Variants in MIGA1 observed in about 807,000 individuals in gnomAD.
The protein encoded by MIGA1 is family with sequence similarity 73, member A.
A neutral mutation model predicts 82.0 loss-of-function variants in MIGA1; 58 were observed. The ratio of observed to expected loss-of-function variants is 0.71; its 90% CI spans 0.57 to 0.88. MIGA1 has a LOEUF of 0.88. Ranked by LOEUF, MIGA1 falls within the 40% of genes least tolerant of loss-of-function variation. MIGA1 has a pLI of 0.00. For synonymous variants in MIGA1, 249 were observed against 253.6 expected (o/e 0.98, Z 0.17); for missense variants, 751 against 749.1 (o/e 1.00, Z -0.03).
chr1:77,779,783 G>T (rs530499336), intron 1 of MIGA1, 47 bp downstream of exon 1: 30 of 1,516,940 alleles, frequency 2.0e-5, no homozygotes, highest in Admixed American at 6.2e-5. Context: ...GCGGGAGGAA[G>T]CGGAGAGTTG....
At chr1:77,839,438 A>G (rs1411883295) in intron 7 of MIGA1, among the ~76,000 whole-genome samples, 2 of 151,590 alleles carry the variant, frequency 1.3e-5, no homozygotes, top group Admixed American at 1.3e-4. Context: ...TGACACGATC[A>G]TGGCTCACTG....
chr1:77,828,184 A>T (rs978788574), intron 7 of MIGA1, among the ~76,000 whole-genome samples: 2 of 152,228 alleles, frequency 1.3e-5, no homozygotes, highest in African/African-American at 4.8e-5. Context: ...GCTAAACCTT[A>T]AACTCCTTGT....
chr1:77,873,072 C>T lies in MIGA1; in HGVS notation c.1632C>T (p.Gly544=), dbSNP rs766162979. 1.9e-6 allele frequency: 3 copies of T among 1,613,664 alleles called. No homozygotes were observed. Among genetic ancestry groups the T allele is most frequent in the Admixed American group, 3.3e-5 (2 of 60,004 alleles). The change falls in exon 15 of 16, where the codon GGC becomes GGT. Residue 544 remains glycine (G), a synonymous_variant. Coordinates refer to ENST00000370791, the MANE Select transcript of MIGA1 (RefSeq NM_198549.4). ...ACATCAGTCCTGTCCTAGCCTGGGGCTTTTTGGGTCCTAGAAATTCTCTGT... is the reference window on the plus strand; with the variant it reads ...ACATCAGTCCTGTCCTAGCCTGGGGTTTTTTGGGTCCTAGAAATTCTCTGT...
At chr1:77,804,046 A>C (rs1004815578) in intron 4 of MIGA1, among the ~76,000 whole-genome samples, 1 of 152,180 alleles carries the variant, frequency 6.6e-6, no homozygotes, top group African/African-American at 2.4e-5. Flanking sequence ...ATTTACACCT[A>C]CTATATATCC....
intron 2 of MIGA1, 137 bp from the exon 3 acceptor site, chr1:77,801,194 C>T: frequency 1.8e-6 from 1 of 569,738 alleles, no homozygotes; most frequent in Non-Finnish European, 2.9e-6. Context: ...GCTAGCTTGT[C>T]ATTGAAAGAG....
At chr1:77,856,860 T>G (rs994205353) in intron 8 of MIGA1, among the ~76,000 whole-genome samples, 5 of 152,180 alleles carry the variant, frequency 3.3e-5, no homozygotes, top group African/African-American at 1.2e-4. Flanking sequence ...TATTTTTTTT[T>G]GTTTCAATTT....
In MIGA1 at chr1:77,787,386, CTT is replaced by C. The variant is rs74680486; in HGVS notation, c.195+4049_195+4050del. On this transcript the variant is annotated intron_variant, in intron 2 of 15. Coordinates refer to ENST00000370791, the MANE Select transcript of MIGA1 (RefSeq NM_198549.4). ...GAAATGTATATTTTAGTCCTTTGCC[CTT>C]TTTTTTTTTTTTTGTAAGACAGAAT... Among the ~76,000 whole-genome samples, 250 of 142,148 alleles carry C rather than the reference CTT, an allele frequency of 1.8e-3. 2 individuals carry two copies. Among genetic ancestry groups the C allele is most frequent in the African/African-American group, 5.7e-3 (224 of 38,988 alleles). The allele number at this position is 142,148 out of a possible 152,430, so 93.3% of individuals were successfully genotyped here. A position where few individuals can be genotyped will look rare whatever the true frequency, so the allele number is the denominator to read the frequency against.
rs1571035446 is a variant in MIGA1 at position 77,878,466 on chromosome 1, G to A, written c.*3402G>A. 2 of 136,646 alleles carry A rather than the reference G, an allele frequency of 1.5e-5. No individual in the cohort carries two copies. Among genetic ancestry groups the A allele is most frequent in the Admixed American group, 8.0e-5 (1 of 12,504 alleles). The allele number at this position is 136,646 out of a possible 1,614,324, so 8.5% of individuals were successfully genotyped here. ...ATTTGCCTTAAAATTGGGTTAAATA[G>A]CAAAAGCAATGTCTTTAAAAATGAT... On this transcript the variant is annotated 3_prime_UTR_variant, in exon 16 of 16. Transcript: ENST00000370791.
chr1:77,860,181 T>C, intron 11 of MIGA1, 55 bp downstream of exon 11: 1 of 1,270,000 alleles, frequency 7.9e-7, no homozygotes, highest in South Asian at 1.3e-5. Flanking sequence ...GTTTTTACCC[T>C]TTGAACTGAA....
intron 7 of MIGA1, among the ~76,000 whole-genome samples, chr1:77,839,023 A>G (rs1310542825): frequency 6.6e-6 from 1 of 152,178 alleles, no homozygotes; most frequent in African/African-American, 2.4e-5. Context: ...GGGCTATTAT[A>G]AACAGTATTA....
At chr1:77,845,257 A>G (rs375345921) in intron 8 of MIGA1, among the ~76,000 whole-genome samples, 13 of 152,296 alleles carry the variant, frequency 8.5e-5, no homozygotes, top group African/African-American at 3.1e-4. Flanking sequence ...TTCTTGTTCT[A>G]TGGGAAAGCT....
chr1:77,837,182 A>G (rs1393612606), intron 7 of MIGA1, among the ~76,000 whole-genome samples: 1 of 152,230 alleles, frequency 6.6e-6, no homozygotes, highest in Non-Finnish European at 1.5e-5. Context: ...TCTAATAGCC[A>G]CATTAAAGGC....
At chr1:77,790,561 C>T (rs181941223) in intron 2 of MIGA1, among the ~76,000 whole-genome samples, 230 of 150,148 alleles carry the variant, frequency 1.5e-3, no homozygotes, top group African/African-American at 5.2e-3. Flanking sequence ...CCACTGCGCC[C>T]GGCCCCCACC....
Position 77,861,316 on chromosome 1 carries a change from T to C in MIGA1, c.1368T>C (p.Ala456=), listed in dbSNP as rs1466085171. ...GTAGTACTGAAATGGAACTTGCTGCTAGAGGGGTAAATTCAAATTTTTTGT... is the reference window on the plus strand; with the variant it reads ...GTAGTACTGAAATGGAACTTGCTGCCAGAGGGGTAAATTCAAATTTTTTGT... The change falls in exon 12 of 16, where the codon GCT becomes GCC. Residue 456 remains alanine, a synonymous_variant. Transcript: ENST00000370791. 6.2e-7 allele frequency: 1 copy of C among 1,603,002 alleles called. No homozygotes were observed. Among genetic ancestry groups the C allele is most frequent in the South Asian group, 1.1e-5 (1 of 89,468 alleles).
chr1:77,843,279 T>C (rs750169622), intron 7 of MIGA1, 28 bp from the exon 8 acceptor site: 9 of 1,496,050 alleles, frequency 6.0e-6, no homozygotes, highest in Admixed American at 1.7e-5. Flanking sequence ...AATATCACTT[T>C]CTGAACTTTT....
chr1:77,825,493 T>G (rs1683995828), intron 7 of MIGA1, among the ~76,000 whole-genome samples: 1 of 152,226 alleles, frequency 6.6e-6, no homozygotes, highest in South Asian at 2.1e-4. Context: ...TGCCTGTGAC[T>G]CAGGTGCCAT....
At chr1:77,832,037 T>TA (rs1557917469) in intron 7 of MIGA1, among the ~76,000 whole-genome samples, 2 of 152,252 alleles carry the variant, frequency 1.3e-5, no homozygotes, top group South Asian at 2.1e-4. Flanking sequence ...TTTGTGTAGT[T>TA]ACACTTCCTG....
chr1:77,830,271 T>C (rs981245225), intron 7 of MIGA1, among the ~76,000 whole-genome samples: 15 of 152,188 alleles, frequency 9.9e-5, no homozygotes, highest in African/African-American at 3.6e-4. Flanking sequence ...TTTATATCTT[T>C]CATAATGTTT....
chr1:77,810,078 C>A (rs1238000998), intron 5 of MIGA1, among the ~76,000 whole-genome samples: 1 of 149,320 alleles, frequency 6.7e-6, no homozygotes, highest in Non-Finnish European at 1.5e-5. Context: ...CATTGTAAAC[C>A]CATCTAAAAC....
Sources: allele counts gnomAD v4.1 joint callset (sites outside exome capture counted in the v4.1 genomes callset), GRCh38; gene constraint gnomAD v4.1.1; transcripts MANE v1.5; gene names NCBI Gene and HGNC (gene_info 2026-07-23, HGNC 2026-07-21).